Variants in GRIK4 observed in about 807,000 individuals in gnomAD.
GRIK4 encodes glutamate receptor ionotropic, kainate 4.
GRIK4 carries 40 observed loss-of-function variants against 104.9 expected under a neutral mutation model. The observed-to-expected ratio is 0.38, with a 90% CI of 0.30 to 0.50. The LOEUF (loss-of-function observed/expected upper bound fraction) is 0.50. Among genes scored for constraint, GRIK4 ranks in the 20% least tolerant of loss-of-function variants. The pLI is 0.93. For missense variants in GRIK4, 1,047 were observed against 1,308.1 expected (o/e 0.80, Z 3.08); for synonymous variants, 485 against 524.9 (o/e 0.92, Z 1.04).
chr11:120,555,080 G>A lies in GRIK4; in HGVS notation c.-159+43193G>A, dbSNP rs941204877. Among the ~76,000 whole-genome samples, 2 of 152,222 alleles carry A rather than the reference G, an allele frequency of 1.3e-5. No individual in the cohort carries two copies. Among genetic ancestry groups the A allele is most frequent in the African/African-American group, 4.8e-5 (2 of 41,448 alleles). The stretch of plus-strand genomic sequence containing the variant: ...TCTGAAGCCTGTGAGGCATGAGAAG[G>A]CGCTCTGCAGCCCGAGACCACAGGC... On this transcript the variant is annotated intron_variant, in intron 1 of 20. Transcript: ENST00000527524. This position sits in a 1 kb window ranked among gnomAD's most constrained non-coding sequence, Gnocchi z 5.3.
intron 3 of GRIK4, among the ~76,000 whole-genome samples, chr11:120,708,584 G>A (rs947526712): frequency 1.3e-5 from 2 of 152,164 alleles, no homozygotes; most frequent in African/African-American, 4.8e-5. Flanking sequence ...CCACATCCAG[G>A]GAGATGCCCC....
At chr11:120,617,846 A>T (rs1411439155) in intron 1 of GRIK4, among the ~76,000 whole-genome samples, 1 of 152,180 alleles carries the variant, frequency 6.6e-6, no homozygotes, top group Non-Finnish European at 1.5e-5. Flanking sequence ...AGCCAGTAAC[A>T]TCTCTTTTCA....
At chr11:120,656,214 A>G (rs1328837138) in intron 2 of GRIK4, among the ~76,000 whole-genome samples, 1 of 152,248 alleles carries the variant, frequency 6.6e-6, no homozygotes, top group Non-Finnish European at 1.5e-5. Context: ...TTTTTGGTGA[A>G]GAATCTGAAA....
At chr11:120,837,877 G>T (rs1386185014) in intron 8 of GRIK4, among the ~76,000 whole-genome samples, 1 of 152,110 alleles carries the variant, frequency 6.6e-6, no homozygotes, top group Non-Finnish European at 1.5e-5. Flanking sequence ...TTGGGAGCCT[G>T]GGAAATAGAA....
intron 3 of GRIK4, among the ~76,000 whole-genome samples, chr11:120,767,090 G>A (rs1951853039): frequency 6.6e-6 from 1 of 151,948 alleles, no homozygotes. Context: ...TGAGTTGTAT[G>A]GTAGTTCTAT....
chr11:120,855,528 A>G (rs1954082014), intron 8 of GRIK4, among the ~76,000 whole-genome samples: 1 of 151,618 alleles, frequency 6.6e-6, no homozygotes, highest in Non-Finnish European at 1.5e-5. Flanking sequence ...CTCTCAACAC[A>G]AATAGCCAGA....
At chr11:120,971,782 C>T (rs1343973041) in intron 19 of GRIK4, among the ~76,000 whole-genome samples, 1 of 152,198 alleles carries the variant, frequency 6.6e-6, no homozygotes, top group Non-Finnish European at 1.5e-5. Context: ...GACCTGGAAG[C>T]ATCCCTTAGG....
At chr11:120,573,784 G>C (rs558578354) in intron 1 of GRIK4, among the ~76,000 whole-genome samples, 2 of 152,344 alleles carry the variant, frequency 1.3e-5, no homozygotes, top group South Asian at 4.1e-4. Flanking sequence ...CAGAGCTCCA[G>C]GATTTGGGGC....
chr11:120,617,745 CCTCCTT>C (rs1344608513), intron 1 of GRIK4, among the ~76,000 whole-genome samples: 1 of 152,146 alleles, frequency 6.6e-6, no homozygotes, highest in Admixed American at 6.6e-5. Flanking sequence ...AGTGCTCACT[CCTCCTT>C]TGCCTTTGGC....
At position 120,716,774 on chromosome 11, in the gene GRIK4, C is replaced by T. The variant is rs750490987; in HGVS notation, c.82+56374C>T. 4.6e-5 allele frequency among the ~76,000 whole-genome samples: 7 copies of T among 152,298 alleles called. No individual in the cohort carries two copies. In the East Asian group the frequency reaches 5.8e-4, roughly 13 times the overall value. On this transcript the variant is annotated intron_variant, in intron 3 of 20. Transcript: ENST00000527524. ...CAGTGAGAGAAGAAGGAATTCTTCT[C>T]TCCCTGAAGTTTCCAGGAGAGACAG...
chr11:120,596,447 T>G (rs1327527713), intron 1 of GRIK4, among the ~76,000 whole-genome samples: 1 of 152,014 alleles, frequency 6.6e-6, no homozygotes, highest in Non-Finnish European at 1.5e-5. Context: ...GATGGGGTGT[T>G]AGGGAGCGCT....
rs559161241 is a variant in GRIK4 at position 120,952,577 on chromosome 11, T to C, written c.1591-278T>C. Among the ~76,000 whole-genome samples the C allele has an allele frequency of 1.4e-4, 21 of 152,230 alleles. 1 individual carries two copies. Among genetic ancestry groups the C allele is most frequent in the Non-Finnish European group, 1.3e-4 (9 of 67,996 alleles). On this transcript the variant is annotated intron_variant, in intron 14 of 20. Transcript: ENST00000527524. This position sits in a 1 kb window ranked among gnomAD's most constrained non-coding sequence, Gnocchi z 5.2. ...TGGTACTTCGGGGCACTGAGGGTTG[T>C]TCCTCTTTGCCAGCACAAAGCCTGC...
chr11:120,730,057 G>A (rs975827929), intron 3 of GRIK4, among the ~76,000 whole-genome samples: 2 of 152,096 alleles, frequency 1.3e-5, no homozygotes, highest in African/African-American at 4.8e-5. Flanking sequence ...CACCTTTGTT[G>A]AAAATGAGTT....
chr11:120,661,774 G>A (rs1309221983), intron 3 of GRIK4, among the ~76,000 whole-genome samples: 2 of 152,020 alleles, frequency 1.3e-5, no homozygotes, highest in East Asian at 1.9e-4. Flanking sequence ...TCAGAAATGT[G>A]GACAGGTGAC....
Position 120,875,510 on chromosome 11 carries a change from A to T in GRIK4, c.1164+267A>T, listed in dbSNP as rs193252869. Among the ~76,000 whole-genome samples the T allele has an allele frequency of 2.2e-3, 333 of 152,256 alleles. 1 individual carries two copies. Among genetic ancestry groups the T allele is most frequent in the African/African-American group, 7.2e-3 (300 of 41,538 alleles). On this transcript the variant is annotated intron_variant, in intron 11 of 20. Coordinates refer to ENST00000527524, the MANE Select transcript of GRIK4 (RefSeq NM_014619.5). The stretch of plus-strand genomic sequence containing the variant: ...AAGGGTGTGTCATGTAAGGGGGGGA[A>T]TTCCCAGGGAGGATTTTACTCCATG...
intron 8 of GRIK4, among the ~76,000 whole-genome samples, chr11:120,856,536 T>C (rs754376423): frequency 1.3e-5 from 2 of 152,168 alleles, no homozygotes; most frequent in African/African-American, 4.8e-5. Context: ...TTTGACAGAA[T>C]TGGCAGTTGA....
chr11:120,787,857 T>C (rs4343036), intron 3 of GRIK4, among the ~76,000 whole-genome samples: 1,216 of 17,072 alleles, frequency 0.071, 49 homozygotes, highest in East Asian at 0.45. Context: ...CTTTTCTTTT[T>C]TTTTTTTTTT....
intron 1 of GRIK4, among the ~76,000 whole-genome samples, chr11:120,534,192 C>T (rs545794565): frequency 6.6e-6 from 1 of 152,184 alleles, no homozygotes; most frequent in African/African-American, 2.4e-5. Context: ...GGGTGGAAGG[C>T]AGGTGTTTAC....
Position 120,849,661 on chromosome 11 carries a change from A to G in GRIK4, c.745-12298A>G, listed in dbSNP as rs570967276. Among the ~76,000 whole-genome samples the G allele has an allele frequency of 5.9e-5, 9 of 152,348 alleles. No individual in the cohort carries two copies. The South Asian group carries it at 1.9e-3, about 32-fold the overall frequency. On this transcript the variant is annotated intron_variant, in intron 8 of 20. Transcript: ENST00000527524. Reference sequence around the variant, plus strand: ...TCCAATTCTACACAGTATGAAAGTGAGGCTCAGAGATGTTCAAGGGTCTTC... The same window carrying G: ...TCCAATTCTACACAGTATGAAAGTGGGGCTCAGAGATGTTCAAGGGTCTTC...
Sources: gnomAD v4.1 joint callset for allele counts (sites outside exome capture counted in the v4.1 genomes callset) on GRCh38, gnomAD v4.1.1 for gene constraint, Gnocchi (gnomAD v3.1) non-coding constraint, MANE v1.5 for transcripts, NCBI Gene and HGNC (gene_info 2026-07-23, HGNC 2026-07-21) for gene names.